Variants in PPP1R12A observed in about 807,000 individuals in gnomAD.
PPP1R12A encodes myosin binding subunit.
A neutral mutation model predicts 139.6 loss-of-function variants in PPP1R12A; 19 were observed. The observed-to-expected ratio is 0.14, with a 90% CI of 0.09 to 0.20. PPP1R12A has a LOEUF of 0.20. Ranked by LOEUF, PPP1R12A falls within the 10% of genes least tolerant of loss-of-function variation. PPP1R12A has a pLI of 1.00. For missense variants in PPP1R12A, 925 were observed against 1,211.5 expected, an observed-to-expected ratio of 0.76 and a Z score of 3.51; for synonymous variants, 427 against 420.6, an observed-to-expected ratio of 1.02 and a Z score of -0.19.
intron 3 of PPP1R12A, among the ~76,000 whole-genome samples, chr12:79,838,708 T>C (rs1028656966): frequency 3.9e-5 from 6 of 152,168 alleles, no homozygotes; most frequent in African/African-American, 1.2e-4. Flanking sequence ...CCATGTGGTG[T>C]TGGGACTATG....
At chr12:79,919,209 A>C (rs969280285) in intron 1 of PPP1R12A, among the ~76,000 whole-genome samples, 1 of 151,998 alleles carries the variant, frequency 6.6e-6, no homozygotes, top group African/African-American at 2.4e-5. Flanking sequence ...CCTCCCTAAC[A>C]ACCTTGGCTA....
At chr12:79,918,421 G>T (rs972168383) in intron 1 of PPP1R12A, among the ~76,000 whole-genome samples, 2 of 152,046 alleles carry the variant, frequency 1.3e-5, no homozygotes, top group Admixed American at 6.6e-5. Context: ...TTGTTTACTT[G>T]ACTGTCTCCT....
rs1305938413 is a variant in PPP1R12A at position 79,817,436 on chromosome 12, A to G, written c.1197T>C (p.Thr399=). The change falls in exon 9 of 25, where the codon ACT becomes ACC. Residue 399 remains threonine (T), a synonymous_variant. Coordinates refer to ENST00000450142, the MANE Select transcript of PPP1R12A (RefSeq NM_002480.3). ...QAAPVAVTTP[T]VSSGQATPTS... ...TAGGTGTTGCTTGACCTGATGACAC[A>G]GTAGGTGTTGTAACAGCTACAGGAG... 2 of 1,612,024 alleles carry G rather than the reference A, an allele frequency of 1.2e-6. No homozygotes were observed. Among genetic ancestry groups the G allele is most frequent in the East Asian group, 2.2e-5 (1 of 44,718 alleles).
intron 3 of PPP1R12A, among the ~76,000 whole-genome samples, chr12:79,840,313 C>G (rs1255274084): frequency 6.6e-6 from 1 of 152,168 alleles, no homozygotes; most frequent in Non-Finnish European, 1.5e-5. Flanking sequence ...TAACAGTTAG[C>G]TATTGTCATT....
chr12:79,886,776 T>G (rs1320445989), intron 1 of PPP1R12A, among the ~76,000 whole-genome samples: 1 of 152,178 alleles, frequency 6.6e-6, no homozygotes, highest in Non-Finnish European at 1.5e-5. Context: ...ATTCAACAAA[T>G]ACTATATATT....
intron 1 of PPP1R12A, among the ~76,000 whole-genome samples, chr12:79,901,150 T>C (rs777350609): frequency 1.2e-4 from 18 of 152,072 alleles, no homozygotes; most frequent in Non-Finnish European, 1.2e-4. Context: ...CGGGAACCAA[T>C]TAGGATAAGC....
chr12:79,869,953 G>T, intron 2 of PPP1R12A, among the ~76,000 whole-genome samples: 1 of 148,912 alleles, frequency 6.7e-6, no homozygotes. Flanking sequence ...TTTCTTTCAT[G>T]CCTATAAAAC....
intron 6 of PPP1R12A, 94 bp from the exon 7 acceptor site, chr12:79,821,260 G>T: frequency 1.2e-6 from 1 of 830,556 alleles, no homozygotes; most frequent in South Asian, 1.8e-5. Flanking sequence ...TAGTTTTTCA[G>T]ACATTAAATA....
intron 1 of PPP1R12A, among the ~76,000 whole-genome samples, chr12:79,880,112 G>T (rs895423812): frequency 6.6e-6 from 1 of 151,928 alleles, no homozygotes. Flanking sequence ...ATACTAAAAA[G>T]TATATATGCC....
intron 22 of PPP1R12A, among the ~76,000 whole-genome samples, chr12:79,785,925 T>G (rs1418204420): frequency 6.6e-6 from 1 of 152,216 alleles, no homozygotes; most frequent in Non-Finnish European, 1.5e-5. Flanking sequence ...TTCTCTAGAC[T>G]GCTGCATAGA....
intron 1 of PPP1R12A, among the ~76,000 whole-genome samples, chr12:79,914,625 A>C (rs1886845616): frequency 6.6e-6 from 1 of 152,036 alleles, no homozygotes; most frequent in Non-Finnish European, 1.5e-5. Context: ...ACATGATTAC[A>C]GTTAGAGTAG....
intron 1 of PPP1R12A, among the ~76,000 whole-genome samples, chr12:79,912,396 A>C (rs1886644931): frequency 6.6e-6 from 1 of 152,156 alleles, no homozygotes; most frequent in Non-Finnish European, 1.5e-5. Context: ...ACATTTTTTA[A>C]ATTAATGAAA....
At chr12:79,871,865 T>C (rs1366682121) in intron 2 of PPP1R12A, among the ~76,000 whole-genome samples, 1 of 152,158 alleles carries the variant, frequency 6.6e-6, no homozygotes, top group Non-Finnish European at 1.5e-5. Context: ...GGAAAAAGAC[T>C]TCCTCAGTTT....
intron 3 of PPP1R12A, among the ~76,000 whole-genome samples, chr12:79,835,235 G>C (rs1185985201): frequency 6.6e-6 from 1 of 152,136 alleles, no homozygotes; most frequent in African/African-American, 2.4e-5. Flanking sequence ...TTGGGGAGCT[G>C]TCAGGCGTGA....
intron 2 of PPP1R12A, among the ~76,000 whole-genome samples, chr12:79,854,759 A>C (rs1039398302): frequency 2.0e-5 from 3 of 151,886 alleles, no homozygotes; most frequent in African/African-American, 7.3e-5. Context: ...GCAGCCTCAA[A>C]CTCCTGGGCT....
At chr12:79,795,893 T>A in intron 17 of PPP1R12A, 134 bp from the exon 18 acceptor site, 1 of 725,696 alleles carries the variant, frequency 1.4e-6, no homozygotes, top group East Asian at 3.0e-5. Context: ...TGCTACTACT[T>A]AGCTCCAGCC....
chr12:79,873,664 C>CA (rs1395819324), intron 1 of PPP1R12A, among the ~76,000 whole-genome samples: 1 of 151,780 alleles, frequency 6.6e-6, no homozygotes, highest in Non-Finnish European at 1.5e-5. Flanking sequence ...ACCCTGTCTC[C>CA]AAAAAAAGTG....
chr12:79,862,402 C>T (rs1229528742), intron 2 of PPP1R12A, among the ~76,000 whole-genome samples: 2 of 152,114 alleles, frequency 1.3e-5, no homozygotes, highest in Admixed American at 6.5e-5. Context: ...AACCAGAGCA[C>T]CTCTACTCCT....
intron 1 of PPP1R12A, among the ~76,000 whole-genome samples, chr12:79,911,890 GCACTAAAGCAATTAAAA>G (rs1886600163): frequency 6.6e-6 from 1 of 152,032 alleles, no homozygotes; most frequent in African/African-American, 2.4e-5. Flanking sequence ...AATCTGATTA[GCACTAAAGCAATTAAAA>G]CACTTTAATG....
Sources: gnomAD v4.1 joint callset for allele counts (sites outside exome capture counted in the v4.1 genomes callset) on GRCh38, gnomAD v4.1.1 for gene constraint, MANE v1.5 for transcripts, NCBI Gene and HGNC (gene_info 2026-07-23, HGNC 2026-07-21) for gene names.